The following DAPK1 variants were observed in gnomAD, a reference collection of about 807,000 sequenced individuals.
DAPK1 encodes death-associated protein kinase 1.
A neutral mutation model predicts 144.9 loss-of-function variants in DAPK1; 56 were observed. The observed-to-expected ratio is 0.39, with a 90% CI of 0.31 to 0.48. The LOEUF is 0.48. DAPK1 is among the 20% of genes least tolerant of loss of function. The pLI is 0.95. For missense variants in DAPK1, 1,454 were observed against 1,875.4 expected (o/e 0.78, Z 4.15); for synonymous variants, 690 against 749.0 (o/e 0.92, Z 1.29).
chr9:87,637,867 G>A (rs950439752), intron 3 of DAPK1, 76 bp from the exon 4 acceptor site: 34 of 1,465,846 alleles, frequency 2.3e-5, no homozygotes, highest in African/African-American at 1.4e-5. Context: ...AAGTTTGAGC[G>A]CACCAATAGT....
At chr9:87,589,208 C>T (rs1255334745) in intron 2 of DAPK1, among the ~76,000 whole-genome samples, 2 of 151,964 alleles carry the variant, frequency 1.3e-5, no homozygotes, top group African/African-American at 4.8e-5. Flanking sequence ...CGCAACCGGC[C>T]AGTACAGAGC....
chr9:87,641,862 G>A lies in DAPK1; in HGVS notation c.829-107G>A. ...CCAACTTCTTATGCTAATTTAATAA[G>A]GTGAATGTGTAAGCATCCTGAATAA... On this transcript the variant is annotated intron_variant, in intron 9 of 25. Transcript: ENST00000408954. 3.7e-6 allele frequency: 3 copies of A among 814,406 alleles called. No homozygotes were observed. The East Asian group carries it at 7.7e-5, about 21-fold the overall frequency. 50.4% of individuals were successfully genotyped at this position (814,406 alleles called of 1,614,324 possible). A position where few individuals can be genotyped will look rare whatever the true frequency, so the allele number is the denominator to read the frequency against.
chr9:87,562,918 A>G (rs1826983629), intron 2 of DAPK1, among the ~76,000 whole-genome samples: 1 of 152,242 alleles, frequency 6.6e-6, no homozygotes, highest in Non-Finnish European at 1.5e-5. Context: ...TGACTTGCTC[A>G]GCTTTTTTAT....
intron 2 of DAPK1, among the ~76,000 whole-genome samples, chr9:87,548,235 G>T (rs1197703732): frequency 6.6e-6 from 1 of 152,212 alleles, no homozygotes; most frequent in Non-Finnish European, 1.5e-5. Context: ...CCTTGGCTTG[G>T]AGGGGCAAAG....
chr9:87,605,154 A>C lies in DAPK1; in HGVS notation c.263A>C (p.Asp88Ala). 1 of 1,613,846 alleles carries C rather than the reference A, an allele frequency of 6.2e-7. No homozygotes were observed. Among genetic ancestry groups the C allele is most frequent in the Non-Finnish European group, 8.5e-7 (1 of 1,179,728 alleles). ...TLHEVYENKT[D>A]VILILELVAG... ...CACGAGGTCTATGAGAACAAGACGG[A>C]CGTCATCCTGATCTTGGAACTGTGA... The change falls in exon 3 of 26, where the codon GAC (aspartate) becomes GCC (alanine). Residue 88 changes from aspartate to alanine, a missense_variant. Physicochemically the swap from Asp to Ala is moderately radical, Grantham distance 126. This residue lies in a region of DAPK1 where 429 missense variants were observed against 637.5 expected (regional missense o/e 0.67). Transcript: ENST00000408954.
intron 3 of DAPK1, among the ~76,000 whole-genome samples, chr9:87,607,733 A>G (rs1333693092): frequency 2.0e-5 from 3 of 152,100 alleles, no homozygotes; most frequent in East Asian, 3.9e-4. Context: ...CCATACCCCT[A>G]CATACTCCAG....
chr9:87,545,514 G>A (rs535113623), intron 2 of DAPK1, among the ~76,000 whole-genome samples: 25 of 152,264 alleles, frequency 1.6e-4, no homozygotes, highest in East Asian at 1.5e-3. Context: ...GGCTTGCCTC[G>A]GCTGGTGAGC....
At chr9:87,557,594 T>G (rs903942900) in intron 2 of DAPK1, among the ~76,000 whole-genome samples, 11 of 152,178 alleles carry the variant, frequency 7.2e-5, no homozygotes, top group African/African-American at 2.7e-4. Flanking sequence ...TGTTAAAACA[T>G]TACTCATTGA....
chr9:87,625,206 G>A (rs1215729183), intron 3 of DAPK1, among the ~76,000 whole-genome samples: 1 of 152,190 alleles, frequency 6.6e-6, no homozygotes, highest in Non-Finnish European at 1.5e-5. Context: ...GTGACCAGAG[G>A]TAGATCTCGG....
At chr9:87,591,696 G>T (rs1284178561) in intron 2 of DAPK1, among the ~76,000 whole-genome samples, 7 of 152,172 alleles carry the variant, frequency 4.6e-5, no homozygotes, top group Non-Finnish European at 8.8e-5. Context: ...TCTATCTCAT[G>T]TCTAACAAAT....
intron 20 of DAPK1, among the ~76,000 whole-genome samples, chr9:87,683,415 G>T (rs1180473998): frequency 6.6e-6 from 1 of 152,168 alleles, no homozygotes; most frequent in Admixed American, 6.5e-5. Flanking sequence ...GAGGATTTAA[G>T]TGGGGTTCAG....
chr9:87,571,222 G>A (rs1827318155), intron 2 of DAPK1, among the ~76,000 whole-genome samples: 1 of 152,004 alleles, frequency 6.6e-6, no homozygotes, highest in South Asian at 2.1e-4. Context: ...GACAAGATGG[G>A]AGACCCCAGG....
intron 2 of DAPK1, among the ~76,000 whole-genome samples, chr9:87,521,752 T>C: frequency 6.6e-6 from 1 of 152,220 alleles, no homozygotes; most frequent in South Asian, 2.1e-4. Context: ...CTTATGGTAG[T>C]TGCTTTGGTT....
intron 18 of DAPK1, among the ~76,000 whole-genome samples, chr9:87,660,533 G>A (rs1830805364): frequency 6.6e-6 from 1 of 152,082 alleles, no homozygotes; most frequent in African/African-American, 2.4e-5. Context: ...TTTCTCCACT[G>A]GTATATTACA....
At chr9:87,649,492 T>G (rs1830372770) in intron 15 of DAPK1, among the ~76,000 whole-genome samples, 1 of 152,226 alleles carries the variant, frequency 6.6e-6, no homozygotes, top group Non-Finnish European at 1.5e-5. Flanking sequence ...GAAGAATTCA[T>G]GCTCAGGGAA....
rs780057725 is a variant in DAPK1, at chr9:87,697,130, A to G, written c.2537A>G (p.Tyr846Cys). The G allele has an allele frequency of 3.2e-6, 5 of 1,574,098 alleles. No homozygotes were observed. Among genetic ancestry groups the G allele is most frequent in the African/African-American group, 1.3e-5 (1 of 74,142 alleles). ...HVVVFSLEEPYEIQLNQVIFW... is the reference protein window; with the variant it reads ...HVVVFSLEEPCEIQLNQVIFW... Reference sequence around the variant, plus strand: ...GTTGTCTTTAGTCTAGAAGAGCCCTATGAGATCCAGCTGAACCAAGTGATT... The same window carrying G: ...GTTGTCTTTAGTCTAGAAGAGCCCTGTGAGATCCAGCTGAACCAAGTGATT... Residue 846 changes from tyrosine (Y) to cysteine (C), a missense_variant, in exon 22 of 26, where the codon TAT becomes TGT. Around this residue, in one of 2 missense-constraint regions of DAPK1, gnomAD observed 1,025 missense variants for 1,237.9 expected, o/e 0.83. Coordinates refer to ENST00000408954, the MANE Select transcript of DAPK1 (RefSeq NM_004938.4).
In DAPK1 at chr9:87,568,073, G is replaced by A. The variant is rs942040073; in HGVS notation, c.63-36881G>A. On this transcript the variant is annotated intron_variant, in intron 2 of 25. Transcript: ENST00000408954. ...GCTGTCACCAGCTCTGCCCCTTTAG[G>A]GTGAGTTACTGATGAAAGAAGAGTT... is the stretch of plus-strand genomic sequence containing the variant. 2.6e-5 allele frequency among the ~76,000 whole-genome samples: 4 copies of A among 152,320 alleles called. No individual in the cohort carries two copies. In the South Asian group the frequency reaches 6.2e-4, roughly 24 times the overall value.
At position 87,499,070 on chromosome 9, in the gene DAPK1, A is replaced by G. The variant is rs1824299149; in HGVS notation, c.-8A>G. 2 of 1,613,978 alleles carry G rather than the reference A, an allele frequency of 1.2e-6. No homozygotes were observed. The highest frequency in any genetic ancestry group is 1.7e-6 in the Non-Finnish European group (2 of 1,179,896). On this transcript the variant is annotated 5_prime_UTR_variant, in exon 2 of 26. Transcript: ENST00000408954. ...GCCCTGGGCTTTGGTGAGGCGTGAC[A>G]GTTTATCATGACCGTGTTCAGGCAG... is the stretch of plus-strand genomic sequence containing the variant.
At chr9:87,644,651 G>A (rs1231739486) in intron 11 of DAPK1, among the ~76,000 whole-genome samples, 1 of 152,130 alleles carries the variant, frequency 6.6e-6, no homozygotes, top group African/African-American at 2.4e-5. Context: ...GATAAAAACT[G>A]TGACTCTAGG....
Sources: gnomAD v4.1 joint callset for allele counts (sites outside exome capture counted in the v4.1 genomes callset) on GRCh38, gnomAD v4.1.1 for gene constraint, gnomAD v4.1.1 regional missense constraint, MANE v1.5 for transcripts, NCBI Gene and HGNC (gene_info 2026-07-23, HGNC 2026-07-21) for gene names.